The following MALRD1 variants were observed in gnomAD, a reference collection of about 807,000 sequenced individuals.
The protein encoded by MALRD1 is MAM and LDL receptor class A domain containing 1, also known as MAM and LDL-receptor class A domain-containing protein 1.
Under a neutral mutation model 242.1 loss-of-function variants are expected in MALRD1, and 247 were observed. That is an observed-to-expected ratio of 1.02 (90% CI 0.92 to 1.13). The LOEUF (loss-of-function observed/expected upper bound fraction) is 1.13, where lower values mean the gene tolerates loss of function less well. MALRD1 is among the 50% of genes most tolerant of loss of function. The probability of loss-of-function intolerance (pLI) is 0.00; values close to 1 mark genes in which losing one functional copy is unlikely to be tolerated. For synonymous variants in MALRD1, 995 were observed against 866.6 expected (o/e 1.15, Z -2.60); for missense variants, 2,989 against 2,533.1 (o/e 1.18, Z -3.86).
intron 2 of MALRD1, among the ~76,000 whole-genome samples, chr10:19,071,509 T>C (rs368122372): frequency 6.6e-5 from 10 of 152,210 alleles, no homozygotes; most frequent in African/African-American, 2.4e-4. Flanking sequence ...TTCACTTAAG[T>C]TCCCTATCCC....
chr10:19,064,769 CAAAAAAA>C (rs147678284), intron 1 of MALRD1, among the ~76,000 whole-genome samples: 2,556 of 63,192 alleles, frequency 0.04, 75 homozygotes, highest in African/African-American at 0.12. Flanking sequence ...AACTCTGTCT[CAAAAAAA>C]AAAAAAAAAA....
chr10:19,730,536 CAAAAAAT>C (rs975150530), intron 38 of MALRD1, 163 bp from the exon 39 acceptor site: 12 of 756,238 alleles, frequency 1.6e-5, no homozygotes, highest in African/African-American at 1.4e-4. Flanking sequence ...TGGTGTCCTG[CAAAAAAT>C]AAAAAATAAA....
At chr10:19,715,040 A>G (rs1283616340) in intron 38 of MALRD1, among the ~76,000 whole-genome samples, 1 of 152,200 alleles carries the variant, frequency 6.6e-6, no homozygotes, top group Admixed American at 6.5e-5. Flanking sequence ...ATCACTGTAT[A>G]AATATGTACG....
intron 4 of MALRD1, among the ~76,000 whole-genome samples, chr10:19,094,831 A>G (rs1835963259): frequency 6.6e-6 from 1 of 152,234 alleles, no homozygotes. Flanking sequence ...GCAAGCCTAT[A>G]AAACACAAAC....
At chr10:19,111,288 G>A (rs1279211601) in intron 5 of MALRD1, among the ~76,000 whole-genome samples, 1 of 152,160 alleles carries the variant, frequency 6.6e-6, no homozygotes, top group Admixed American at 6.5e-5. Context: ...TTGTGATCCA[G>A]TAGAAAAACA....
intron 2 of MALRD1, among the ~76,000 whole-genome samples, chr10:19,086,508 C>A (rs555265623): frequency 6.6e-6 from 1 of 152,164 alleles, no homozygotes; most frequent in Non-Finnish European, 1.5e-5. Context: ...ATTTTACAGG[C>A]TTCTAAACCA....
At chr10:19,450,235 G>A (rs974278491) in intron 28 of MALRD1, 72 bp from the exon 29 acceptor site, 2 of 1,256,850 alleles carry the variant, frequency 1.6e-6, no homozygotes, top group South Asian at 3.2e-5. Context: ...TAAATAACTG[G>A]GTTTTGCCCC....
chr10:19,427,941 T>A (rs1018367975), intron 28 of MALRD1, among the ~76,000 whole-genome samples: 4 of 152,174 alleles, frequency 2.6e-5, no homozygotes, highest in Admixed American at 6.5e-5. Context: ...TGCATATCAC[T>A]GTATACACAT....
intron 26 of MALRD1, among the ~76,000 whole-genome samples, chr10:19,382,240 T>C (rs1238768453): frequency 2.6e-5 from 4 of 152,182 alleles, no homozygotes; most frequent in Admixed American, 1.3e-4. Flanking sequence ...CCTGAATACC[T>C]GTAAAAATAA....
At chr10:19,681,709 G>T (rs1441748765) in intron 36 of MALRD1, among the ~76,000 whole-genome samples, 2 of 152,120 alleles carry the variant, frequency 1.3e-5, no homozygotes, top group East Asian at 3.9e-4. Context: ...TGCTAGAGAG[G>T]TGTTGTGATC....
intron 14 of MALRD1, among the ~76,000 whole-genome samples, chr10:19,200,249 A>T (rs1836460114): frequency 6.6e-6 from 1 of 152,198 alleles, no homozygotes; most frequent in African/African-American, 2.4e-5. Context: ...TTTCTGGTTC[A>T]TGTCTTTCTG....
intron 26 of MALRD1, among the ~76,000 whole-genome samples, chr10:19,369,851 A>C (rs543019986): frequency 1.3e-5 from 2 of 151,878 alleles, no homozygotes; most frequent in Admixed American, 1.3e-4. Flanking sequence ...TACTTTCTTC[A>C]TTAAGTGTCC....
chr10:19,456,940 A>AAAAAC (rs548597119), intron 29 of MALRD1, among the ~76,000 whole-genome samples: 11 of 151,964 alleles, frequency 7.2e-5, no homozygotes, highest in Middle Eastern at 3.4e-3. Context: ...GCCCAGCTAA[A>AAAAAC]AAAACAAAAC....
chr10:19,182,400 C>T (rs145756462), intron 14 of MALRD1, among the ~76,000 whole-genome samples: 2 of 133,784 alleles, frequency 1.5e-5, no homozygotes, highest in Non-Finnish European at 3.1e-5. Context: ...TATGGGCTTA[C>T]TGCCAGCTCT....
chr10:19,481,496 TC>T (rs1344875111), intron 29 of MALRD1, among the ~76,000 whole-genome samples: 1 of 152,166 alleles, frequency 6.6e-6, no homozygotes, highest in Non-Finnish European at 1.5e-5. Flanking sequence ...CTCTGATAGT[TC>T]CTTCTAGAAT....
chr10:19,238,482 ATT>A (rs1838554337), intron 18 of MALRD1, among the ~76,000 whole-genome samples: 1 of 24,110 alleles, frequency 4.1e-5, no homozygotes, highest in African/African-American at 3.7e-4. Flanking sequence ...TATAATATAC[ATT>A]ATATATAATA....
Position 19,164,774 on chromosome 10 carries a change from C to T in MALRD1, c.1657-863C>T, listed in dbSNP as rs115008900. On this transcript the variant is annotated intron_variant, in intron 12 of 39. Coordinates refer to ENST00000454679, the MANE Select transcript of MALRD1 (RefSeq NM_001142308.3). ...CATGTTAGGGCTACTGCTATCAGCA[C>T]CTGGCATAATCCTCTCTATTCTCTT... is the stretch of plus-strand genomic sequence containing the variant. Among the ~76,000 whole-genome samples, 1,307 of 152,180 alleles carry T rather than the reference C, an allele frequency of 8.6e-3. 12 individuals carry two copies. The highest frequency in any genetic ancestry group is 0.03 in the African/African-American group (1,240 of 41,516).
intron 29 of MALRD1, among the ~76,000 whole-genome samples, chr10:19,461,151 C>G (rs1000467936): frequency 6.6e-6 from 1 of 152,056 alleles, no homozygotes; most frequent in African/African-American, 2.4e-5. Flanking sequence ...GCGACAAGAT[C>G]ATACTAGACC....
intron 28 of MALRD1, among the ~76,000 whole-genome samples, chr10:19,432,823 T>C (rs1302329266): frequency 6.6e-6 from 1 of 152,244 alleles, no homozygotes; most frequent in African/African-American, 2.4e-5. Context: ...ATTCCTGATA[T>C]GTTTTCTCTT....
Sources: allele counts gnomAD v4.1 joint callset (sites outside exome capture counted in the v4.1 genomes callset), GRCh38; gene constraint gnomAD v4.1.1; transcripts MANE v1.5; gene names NCBI Gene and HGNC (gene_info 2026-07-23, HGNC 2026-07-21).